Variants in CEP126 observed in about 807,000 individuals in gnomAD.
CEP126 encodes the protein centrosomal protein 126.
In CEP126, 74 loss-of-function variants were observed where a neutral mutation model predicts 107.8. The observed-to-expected ratio is 0.69, with a 90% CI of 0.57 to 0.83. The LOEUF is 0.83. CEP126 is among the 40% of genes least tolerant of loss of function. The pLI is 0.00. For missense variants in CEP126, 1,237 were observed against 1,281.9 expected (o/e 0.96, Z 0.53); for synonymous variants, 449 against 446.0 (o/e 1.01, Z -0.08).
chr11:101,930,923 T>C (rs1940489965), intron 2 of CEP126, among the ~76,000 whole-genome samples: 1 of 152,218 alleles, frequency 6.6e-6, no homozygotes, highest in Non-Finnish European at 1.5e-5. Flanking sequence ...GGAGTTTTAG[T>C]TGTACTTAGC....
chr11:101,933,824 C>G (rs890647058), intron 2 of CEP126, among the ~76,000 whole-genome samples: 1 of 144,564 alleles, frequency 6.9e-6, no homozygotes, highest in African/African-American at 2.5e-5. Context: ...ACCCCCCCCC[C>G]ACCAAAACAA....
chr11:101,918,646 C>G (rs1226425693), intron 1 of CEP126, among the ~76,000 whole-genome samples: 4 of 152,164 alleles, frequency 2.6e-5, no homozygotes, highest in African/African-American at 9.7e-5. Context: ...TATAAAAATG[C>G]ATATGCCTTT....
intron 9 of CEP126, among the ~76,000 whole-genome samples, chr11:101,991,415 A>G (rs1289428189): frequency 6.6e-6 from 1 of 152,196 alleles, no homozygotes; most frequent in African/African-American, 2.4e-5. Context: ...AAACACTATC[A>G]AGGGACAAAG....
chr11:101,993,939 A>T (rs775845709), intron 10 of CEP126, among the ~76,000 whole-genome samples: 2 of 152,090 alleles, frequency 1.3e-5, no homozygotes, highest in Non-Finnish European at 2.9e-5. Flanking sequence ...TTCCTTATAG[A>T]TTCTTGATAT....
Position 101,944,339 on chromosome 11 carries a change from A to G in CEP126, c.323A>G (p.Lys108Arg). The change falls in exon 3 of 11, where the codon AAA becomes AGA. Residue 108 changes from lysine (K) to arginine (R), a missense_variant. Lys to Arg is a conservative substitution (Grantham distance 26, BLOSUM62 2). Transcript: ENST00000263468. The stretch of plus-strand genomic sequence containing the variant: ...AGAGAACAAATACTTCAACAAAGAA[A>G]ACAGAAGTTTGAAGAAGTTACTGAA... ...QIREQILQQR[K>R]QKFEEVTEKF... 1 of 1,612,160 alleles carries G rather than the reference A, an allele frequency of 6.2e-7. No homozygotes were observed. Among genetic ancestry groups the G allele is most frequent in the South Asian group, 1.1e-5 (1 of 90,514 alleles).
chr11:101,925,734 A>C (rs1182938794), intron 2 of CEP126, among the ~76,000 whole-genome samples: 1 of 3,126 alleles, frequency 3.2e-4, no homozygotes, highest in Non-Finnish European at 7.9e-4. Context: ...GCTCACCACT[A>C]TCTCCACCTC....
At chr11:101,990,759 G>A (rs1565371025) in intron 9 of CEP126, among the ~76,000 whole-genome samples, 1 of 151,702 alleles carries the variant, frequency 6.6e-6, no homozygotes, top group Non-Finnish European at 1.5e-5. Flanking sequence ...CTTCTACTGT[G>A]CGCACATGCA....
chr11:101,939,352 A>C (rs898163755), intron 2 of CEP126, among the ~76,000 whole-genome samples: 1 of 152,144 alleles, frequency 6.6e-6, no homozygotes, highest in African/African-American at 2.4e-5. Flanking sequence ...GTAATACTCC[A>C]TTTCTTAAAG....
chr11:101,921,456 C>A (rs1305683399), intron 1 of CEP126, among the ~76,000 whole-genome samples: 1 of 152,052 alleles, frequency 6.6e-6, no homozygotes, highest in Non-Finnish European at 1.5e-5. Flanking sequence ...CCTGTAATCA[C>A]ACCACTATGG....
chr11:101,977,334 T>C (rs1183120768), intron 6 of CEP126, among the ~76,000 whole-genome samples: 2 of 151,954 alleles, frequency 1.3e-5, no homozygotes, highest in Non-Finnish European at 2.9e-5. Context: ...TAAGTAGTCA[T>C]TAAAAAGCAA....
rs753737656 is a variant in CEP126, at chr11:101,958,187, C to G, written c.526C>G (p.Pro176Ala). ...INWRAIDSAL[P>A]SALSKNDHKH... ...TCACAGAGCTATAGATTCTGCCTTG[C>G]CTTCCGCATTATCAAAAAATGATCA... Residue 176 changes from proline to alanine, a missense_variant, in exon 5 of 11, where the codon CCT (proline) becomes GCT (alanine). This residue lies in a region of CEP126 where 1,134 missense variants were observed against 1,150.5 expected (regional missense o/e 0.99). Coordinates refer to ENST00000263468, the MANE Select transcript of CEP126 (RefSeq NM_020802.4). 18 of 1,613,668 alleles carry G rather than the reference C, an allele frequency of 1.1e-5. No homozygotes were observed. Among genetic ancestry groups the G allele is most frequent in the Admixed American group, 3.3e-5 (2 of 59,990 alleles).
At chr11:101,986,762 G>A (rs867282988) in intron 8 of CEP126, 70 bp from the exon 9 acceptor site, 25 of 1,073,660 alleles carry the variant, frequency 2.3e-5, no homozygotes, top group African/African-American at 9.4e-5. Context: ...ATAAGTATAT[G>A]TAAGTATATA....
At chr11:101,977,534 G>C (rs1037602933) in intron 6 of CEP126, among the ~76,000 whole-genome samples, 8 of 151,040 alleles carry the variant, frequency 5.3e-5, no homozygotes, top group Non-Finnish European at 1.0e-4. Flanking sequence ...AGGAGGCTGA[G>C]GCAGGAGAAT....
Position 101,961,869 on chromosome 11 carries a change from G to C in CEP126, c.834G>C (p.Arg278=). 10 of 1,612,608 alleles carry C rather than the reference G, an allele frequency of 6.2e-6. No homozygotes were observed. The highest frequency in any genetic ancestry group is 8.5e-6 in the Non-Finnish European group (10 of 1,178,906). The change falls in exon 6 of 11, where the codon CGG becomes CGC. Residue 278 remains arginine, a synonymous_variant. Transcript: ENST00000263468. The part of the protein sequence containing the change: ...LNKEHSTSIQ[R]NTISLKPANM... The stretch of plus-strand genomic sequence containing the variant: ...AGGAGCATTCCACATCCATCCAGCG[G>C]AATACCATTTCCCTCAAACCAGCAA...
At chr11:101,921,781 T>A (rs1393963203) in intron 1 of CEP126, among the ~76,000 whole-genome samples, 1 of 129,144 alleles carries the variant, frequency 7.7e-6, no homozygotes, top group South Asian at 2.7e-4. Context: ...TGATTTCTTT[T>A]TTTTTTTTTT....
rs369177809 is a variant in CEP126, at chr11:101,962,230, T to C, written c.1195T>C (p.Ser399Pro). 37 of 1,613,828 alleles carry C rather than the reference T, an allele frequency of 2.3e-5. No homozygotes were observed. The highest frequency in any genetic ancestry group is 3.1e-5 in the Non-Finnish European group (37 of 1,179,876). The part of the protein sequence containing the change: ...TSTMRTTDST[S>P]GAFKRERPLV... The stretch of plus-strand genomic sequence containing the variant: ...CACTATGAGGACAACTGACTCCACT[T>C]CTGGAGCATTCAAAAGAGAGAGACC... The change falls in exon 6 of 11, where the codon TCT becomes CCT. Residue 399 changes from serine to proline, a missense_variant. Ser to Pro is a moderately conservative substitution (Grantham distance 74). Around this residue, in one of 3 missense-constraint regions of CEP126, gnomAD observed 1,134 missense variants for 1,150.5 expected, o/e 0.99. Coordinates refer to ENST00000263468, the MANE Select transcript of CEP126 (RefSeq NM_020802.4).
intron 8 of CEP126, among the ~76,000 whole-genome samples, chr11:101,984,991 A>T (rs1301397733): frequency 6.6e-6 from 1 of 152,202 alleles, no homozygotes; most frequent in African/African-American, 2.4e-5. Flanking sequence ...GTTGCCCTGA[A>T]CACATTATTT....
At chr11:101,984,616 G>A (rs1024772800) in intron 8 of CEP126, among the ~76,000 whole-genome samples, 44 of 152,162 alleles carry the variant, frequency 2.9e-4, no homozygotes, top group Non-Finnish European at 1.5e-4. Flanking sequence ...TGATGAAAAT[G>A]TGTGATGGGT....
At position 101,961,958 on chromosome 11, in the gene CEP126, A is replaced by G. The variant is rs61742172; in HGVS notation, c.923A>G (p.His308Arg). 13 of 1,610,224 alleles carry G rather than the reference A, an allele frequency of 8.1e-6. No homozygotes were observed. The East Asian group carries it at 2.0e-4, about 25-fold the overall frequency. ...AAACTGGCATTCTCTAAAACTCAAC[A>G]TATAAATAATTGGCTTACAAATTTA... is the stretch of plus-strand genomic sequence containing the variant. ...EDKLAFSKTQ[H>R]INNWLTNLDA... Residue 308 changes from histidine to arginine, a missense_variant, in exon 6 of 11, where the codon CAT (histidine) becomes CGT (arginine). His to Arg is a conservative substitution (Grantham distance 29). This residue lies in a region of CEP126 where 1,134 missense variants were observed against 1,150.5 expected (regional missense o/e 0.99). Coordinates refer to ENST00000263468, the MANE Select transcript of CEP126 (RefSeq NM_020802.4).
Sources: allele counts gnomAD v4.1 joint callset (sites outside exome capture counted in the v4.1 genomes callset), GRCh38; gene constraint gnomAD v4.1.1; regional missense constraint gnomAD v4.1.1; transcripts MANE v1.5; gene names NCBI Gene and HGNC (gene_info 2026-07-23, HGNC 2026-07-21).